The following MCTP1 variants were observed in gnomAD, a reference collection of about 807,000 sequenced individuals.
The protein encoded by MCTP1 is multiple C2 and transmembrane domain-containing protein 1.
A neutral mutation model predicts 120.6 loss-of-function variants in MCTP1; 69 were observed. The observed-to-expected ratio is 0.57, with a 90% CI of 0.47 to 0.70. The LOEUF (loss-of-function observed/expected upper bound fraction) is 0.70, where lower values mean the gene tolerates loss of function less well. Ranked by LOEUF, MCTP1 falls within the 30% of genes least tolerant of loss-of-function variation. MCTP1 has a pLI of 0.00. For missense variants in MCTP1, 1,203 were observed against 1,248.8 expected, an observed-to-expected ratio of 0.96 and a Z score of 0.55; for synonymous variants, 529 against 493.1, an observed-to-expected ratio of 1.07 and a Z score of -0.96.
Position 95,201,464 on chromosome 5 carries a change from GTTTTTTTTTTTTTTTTTTTTT to G in MCTP1, c.720+82371_720+82391del, listed in dbSNP as rs70978174. Among the ~76,000 whole-genome samples, 953 of 97,254 alleles carry G rather than the reference GTTTTTTTTTTTTTTTTTTTTT, an allele frequency of 9.8e-3. 56 individuals are homozygous for G. Among genetic ancestry groups the G allele is most frequent in the African/African-American group, 0.037 (920 of 24,620 alleles). The allele number at this position is 97,254 out of a possible 152,430, so 63.8% of individuals were successfully genotyped here. On this transcript the variant is annotated intron_variant, in intron 1 of 22. Coordinates refer to ENST00000515393, the MANE Select transcript of MCTP1 (RefSeq NM_024717.7). ...AGGGATAAAATGTAAAGGAAAAGTG[GTTTTTTTTTTTTTTTTTTTTT>G]TTTTTTTTTTTTTTTTTTTTTTTTT...
rs111467749 is a variant in MCTP1 at position 94,756,225 on chromosome 5, G to C, written c.2610+22885C>G. Among the ~76,000 whole-genome samples, 793 of 152,308 alleles carry C rather than the reference G, an allele frequency of 5.2e-3. 7 individuals are homozygous for C. Among genetic ancestry groups the C allele is most frequent in the Non-Finnish European group, 8.7e-3 (594 of 68,026 alleles). On this transcript the variant is annotated intron_variant, in intron 19 of 22. Transcript: ENST00000515393. ...GCAGATGTGGTAACTGAGGGATAGA[G>C]GTAAAATTTCTTGCCCAGCATCACA... is the stretch of plus-strand genomic sequence containing the variant.
chr5:95,026,223 T>G (rs1839234062), intron 1 of MCTP1, among the ~76,000 whole-genome samples: 1 of 152,170 alleles, frequency 6.6e-6, no homozygotes, highest in Non-Finnish European at 1.5e-5. Flanking sequence ...GATACAGACA[T>G]GCAATGCATT....
At chr5:94,891,528 C>T (rs1027821732) in intron 11 of MCTP1, among the ~76,000 whole-genome samples, 2 of 152,056 alleles carry the variant, frequency 1.3e-5, no homozygotes, top group African/African-American at 4.8e-5. Context: ...TTGACTAAGA[C>T]GAATATAATC....
At chr5:95,278,602 A>G (rs1424732146) in intron 1 of MCTP1, among the ~76,000 whole-genome samples, 1 of 152,212 alleles carries the variant, frequency 6.6e-6, no homozygotes, top group African/African-American at 2.4e-5. Context: ...AGGCAGGGAA[A>G]TATGTGATTT....
At chr5:94,783,908 G>A (rs886731090) in intron 18 of MCTP1, among the ~76,000 whole-genome samples, 1 of 152,010 alleles carries the variant, frequency 6.6e-6, no homozygotes, top group African/African-American at 2.4e-5. Flanking sequence ...ATACAAACCA[G>A]TTTCTTTCGT....
chr5:94,869,602 T>A (rs774328499), intron 16 of MCTP1, among the ~76,000 whole-genome samples: 10 of 152,212 alleles, frequency 6.6e-5, no homozygotes, highest in Non-Finnish European at 1.0e-4. Context: ...TTTGCTGGAT[T>A]TATTAAGAGT....
rs1217312769 is a variant in MCTP1, at chr5:94,954,169, C to CATATATATATATATGCATATATATAT, written c.839-809_839-808insATATATATATGCATATATATATATAT. On this transcript the variant is annotated intron_variant, in intron 2 of 22. Coordinates refer to ENST00000515393, the MANE Select transcript of MCTP1 (RefSeq NM_024717.7). ...ATACATATATATATGCATATATATA[C>CATATATATATATATGCATATATATAT]ATATATATATATGCATATATATATA... 5.0e-5 allele frequency among the ~76,000 whole-genome samples: 4 copies of CATATATATATATATGCATATATATAT among 80,042 alleles called. 1 individual carries two copies. The highest frequency in any genetic ancestry group is 7.0e-5 in the Non-Finnish European group (3 of 42,988). The allele number at this position is 80,042 out of a possible 152,430, so 52.5% of individuals were successfully genotyped here.
intron 8 of MCTP1, among the ~76,000 whole-genome samples, chr5:94,913,864 ATTTTTT>A (rs1263070151): frequency 6.6e-6 from 1 of 151,156 alleles, no homozygotes; most frequent in Non-Finnish European, 1.5e-5. Context: ...GCTAATTTTT[ATTTTTT>A]ATTTTTGTTT....
chr5:94,995,454 C>T (rs1309136895), intron 2 of MCTP1, among the ~76,000 whole-genome samples: 2 of 152,076 alleles, frequency 1.3e-5, no homozygotes, highest in African/African-American at 2.4e-5. Context: ...AGTAAGTCCA[C>T]TTTAAAAATA....
At chr5:94,859,838 T>C (rs1561761387) in intron 17 of MCTP1, among the ~76,000 whole-genome samples, 1 of 151,714 alleles carries the variant, frequency 6.6e-6, no homozygotes. Flanking sequence ...CTTGGTGATC[T>C]ATTATTTTAA....
At chr5:94,778,259 G>A (rs535843653) in intron 19 of MCTP1, among the ~76,000 whole-genome samples, 20 of 152,018 alleles carry the variant, frequency 1.3e-4, no homozygotes, top group African/African-American at 3.9e-4. Context: ...GGTTTTACAC[G>A]CCAAACAACG....
At chr5:95,218,319 C>G (rs959191869) in intron 1 of MCTP1, among the ~76,000 whole-genome samples, 5 of 152,054 alleles carry the variant, frequency 3.3e-5, no homozygotes, top group Non-Finnish European at 5.9e-5. Flanking sequence ...CACTACATAC[C>G]CAGTTTCAGG....
chr5:94,982,962 A>G (rs934478106), intron 2 of MCTP1, among the ~76,000 whole-genome samples: 1 of 136,304 alleles, frequency 7.3e-6, no homozygotes, highest in Admixed American at 8.1e-5. Flanking sequence ...AAGAGCAGAG[A>G]GTTTTCTCTA....
chr5:95,050,441 G>C (rs1745596053), intron 1 of MCTP1, among the ~76,000 whole-genome samples: 1 of 152,124 alleles, frequency 6.6e-6, no homozygotes, highest in South Asian at 2.1e-4. Context: ...GCCTGGATGG[G>C]GCTGTGGGGA....
intron 18 of MCTP1, among the ~76,000 whole-genome samples, chr5:94,795,716 C>T (rs1779863763): frequency 6.6e-6 from 1 of 152,150 alleles, no homozygotes; most frequent in Admixed American, 6.5e-5. Flanking sequence ...ATATTCAGAC[C>T]TAAGATTGCT....
At chr5:95,101,813 G>A (rs907262640) in intron 1 of MCTP1, among the ~76,000 whole-genome samples, 2 of 152,174 alleles carry the variant, frequency 1.3e-5, no homozygotes, top group African/African-American at 4.8e-5. Context: ...AGGCTAAATA[G>A]TTAAACTAAG....
At chr5:95,059,478 G>A (rs1390094230) in intron 1 of MCTP1, among the ~76,000 whole-genome samples, 7 of 151,954 alleles carry the variant, frequency 4.6e-5, no homozygotes, top group African/African-American at 1.7e-4. Context: ...TCACTACCTA[G>A]GTAATGGGAT....
intron 1 of MCTP1, among the ~76,000 whole-genome samples, chr5:95,065,412 G>C (rs991515278): frequency 1.3e-5 from 2 of 151,948 alleles, no homozygotes; most frequent in African/African-American, 4.8e-5. Context: ...TGATAAAACA[G>C]TATGACCAAT....
chr5:95,137,417 G>C (rs1335378512), intron 1 of MCTP1, among the ~76,000 whole-genome samples: 1 of 152,216 alleles, frequency 6.6e-6, no homozygotes. Flanking sequence ...TTTGTACCAT[G>C]CCTAGCACAC....
Sources: gnomAD v4.1 joint callset for allele counts (sites outside exome capture counted in the v4.1 genomes callset) on GRCh38, gnomAD v4.1.1 for gene constraint, MANE v1.5 for transcripts, NCBI Gene and HGNC (gene_info 2026-07-23, HGNC 2026-07-21) for gene names.